The following CD160 variants were observed in gnomAD, a reference collection of about 807,000 sequenced individuals.
CD160 encodes the protein CD160 molecule.
A neutral mutation model predicts 19.2 loss-of-function variants in CD160; 11 were observed. The observed-to-expected ratio is 0.57, with a 90% CI of 0.36 to 0.95. CD160 has a LOEUF of 0.95. CD160 is among the 40% of genes least tolerant of loss of function. The pLI, the probability that CD160 is intolerant of heterozygous loss-of-function variation, is 0.01. For synonymous variants in CD160, 75 were observed against 81.1 expected (o/e 0.93, Z 0.40); for missense variants, 182 against 213.2 (o/e 0.85, Z 0.91).
intron 4 of CD160, among the ~76,000 whole-genome samples, chr1:145,733,957 C>A (rs587768143): frequency 1.3e-5 from 2 of 152,314 alleles, no homozygotes; most frequent in South Asian, 4.1e-4. Context: ...GTACTCCTAG[C>A]TCCTGGATGT....
chr1:145,728,300 G>A lies in CD160; in HGVS notation c.-28G>A. 6.3e-7 allele frequency: 1 copy of A among 1,591,714 alleles called. No individual in the cohort carries two copies. The highest frequency in any genetic ancestry group is 8.6e-7 in the Non-Finnish European group (1 of 1,162,358). ...CCAGCAGAGCCAACATTTGCTTCAA[G>A]TTCCTGGGCCTGCTGACAGCGTGCA... On this transcript the variant is annotated 5_prime_UTR_variant, in exon 3 of 6. Coordinates refer to ENST00000369288, the MANE Select transcript of CD160 (RefSeq NM_007053.4).
chr1:145,728,019 A>G (rs1293566066), intron 2 of CD160, among the ~76,000 whole-genome samples: 1 of 152,192 alleles, frequency 6.6e-6, no homozygotes, highest in Non-Finnish European at 1.5e-5. Context: ...AATCCAATTT[A>G]ACTTAAAAAA....
At chr1:145,722,020 G>A (rs1429647949) in intron 1 of CD160, among the ~76,000 whole-genome samples, 3 of 152,108 alleles carry the variant, frequency 2.0e-5, no homozygotes, top group Non-Finnish European at 4.4e-5. Context: ...CCCAACTTAG[G>A]AGCTGTGATT....
rs909705486 is a variant in CD160, at chr1:145,738,683, A to G, written c.*190A>G. 5.0e-6 allele frequency: 2 copies of G among 400,462 alleles called. No homozygotes were observed. The highest frequency in any genetic ancestry group is 8.9e-6 in the Non-Finnish European group (2 of 225,734). 24.8% of individuals were successfully genotyped at this position (400,462 alleles called of 1,614,324 possible). ...AGTGTAATCCTTGACTTTGCTCCTCACCATCAGGGCAAACTTGCCTTCTTC... is the reference window on the plus strand; with the variant it reads ...AGTGTAATCCTTGACTTTGCTCCTCGCCATCAGGGCAAACTTGCCTTCTTC... On this transcript the variant is annotated 3_prime_UTR_variant, in exon 6 of 6. Transcript: ENST00000369288.
intron 1 of CD160, among the ~76,000 whole-genome samples, chr1:145,721,544 G>C (rs1357613407): frequency 6.6e-6 from 1 of 152,018 alleles, no homozygotes; most frequent in Non-Finnish European, 1.5e-5. Flanking sequence ...CCACTCCAGC[G>C]GAGTGACCAG....
intron 3 of CD160, among the ~76,000 whole-genome samples, 155 bp downstream of exon 3, chr1:145,728,555 G>A (rs1476875009): frequency 2.7e-5 from 4 of 147,330 alleles, no homozygotes; most frequent in African/African-American, 7.5e-5. Flanking sequence ...CCAGGCTGGA[G>A]TGCAGTGGCG....
chr1:145,729,768 T>C (rs1657211712), intron 3 of CD160, among the ~76,000 whole-genome samples: 1 of 152,238 alleles, frequency 6.6e-6, no homozygotes, highest in Admixed American at 6.5e-5. Flanking sequence ...GGTCCCTCAA[T>C]AATTAGTCTG....
intron 4 of CD160, among the ~76,000 whole-genome samples, chr1:145,734,973 A>G (rs1553709896): frequency 6.6e-6 from 1 of 151,930 alleles, no homozygotes; most frequent in African/African-American, 2.4e-5. Flanking sequence ...CGAGTGTGGT[A>G]GCACGCACCT....
intron 1 of CD160, among the ~76,000 whole-genome samples, chr1:145,719,859 G>A (rs768730143): frequency 8.0e-4 from 122 of 152,332 alleles, no homozygotes; most frequent in Non-Finnish European, 1.4e-3. Flanking sequence ...GCTCTTCAAG[G>A]ATTGGCCTGA....
chr1:145,730,083 G>C (rs1285219037), intron 3 of CD160, among the ~76,000 whole-genome samples: 3 of 152,202 alleles, frequency 2.0e-5, no homozygotes, highest in African/African-American at 7.2e-5. Context: ...AGCAGTTTGG[G>C]AGGCAGAGGC....
At chr1:145,720,384 C>T (rs782091709) in intron 1 of CD160, among the ~76,000 whole-genome samples, 1 of 152,156 alleles carries the variant, frequency 6.6e-6, no homozygotes, top group Non-Finnish European at 1.5e-5. Flanking sequence ...AGGTCCATGG[C>T]GCCTTTATGT....
chr1:145,731,240 A>G (rs1553709216), intron 4 of CD160, among the ~76,000 whole-genome samples, 170 bp downstream of exon 4: 1 of 152,206 alleles, frequency 6.6e-6, no homozygotes, highest in African/African-American at 2.4e-5. Flanking sequence ...ACACACAAAC[A>G]TAATCTCATT....
At chr1:145,731,123 A>G (rs1657276858) in intron 4 of CD160, 53 bp downstream of exon 4, 2 of 1,407,664 alleles carry the variant, frequency 1.4e-6, no homozygotes, top group African/African-American at 2.8e-5. Flanking sequence ...AGCAGGGTTG[A>G]CAGTGGAGAT....
At chr1:145,726,787 TACTC>T (rs1228038186) in intron 2 of CD160, among the ~76,000 whole-genome samples, 5 of 152,200 alleles carry the variant, frequency 3.3e-5, no homozygotes, top group Middle Eastern at 3.4e-3. Context: ...AAATATGAAT[TACTC>T]AAGAAACAAA....
chr1:145,725,247 G>A (rs587763788), intron 2 of CD160, among the ~76,000 whole-genome samples: 74 of 151,824 alleles, frequency 4.9e-4, no homozygotes, highest in Non-Finnish European at 9.3e-4. Context: ...GTGAAACCCC[G>A]TCTCTACTAA....
chr1:145,738,169 T>C lies in CD160; in HGVS notation c.539-317T>C, dbSNP rs1797054. 636 of 203,928 alleles carry C rather than the reference T, an allele frequency of 3.1e-3. 5 individuals carry two copies. Among genetic ancestry groups the C allele is most frequent in the African/African-American group, 0.014 (608 of 43,588 alleles). The allele number at this position is 203,928 out of a possible 1,614,324, so 12.6% of individuals were successfully genotyped here. A position where few individuals can be genotyped will look rare whatever the true frequency, so the allele number is the denominator to read the frequency against. ...CTTGTCTTACCACTGTGCCAACAAT[T>C]CAGAGCTATACGTGGAAAACCTACC... On this transcript the variant is annotated intron_variant, in intron 5 of 5. Transcript: ENST00000369288.
At chr1:145,722,223 A>G (rs1553707895) in intron 1 of CD160, among the ~76,000 whole-genome samples, 1 of 152,074 alleles carries the variant, frequency 6.6e-6, no homozygotes, top group East Asian at 1.9e-4. Context: ...TTGAGCCCTT[A>G]CTCTCTGCCA....
chr1:145,729,583 C>T (rs1037164684), intron 3 of CD160, among the ~76,000 whole-genome samples: 6 of 152,204 alleles, frequency 3.9e-5, no homozygotes, highest in African/African-American at 1.2e-4. Flanking sequence ...AGGGGCAGTA[C>T]AAAGTTGGCA....
At chr1:145,720,770 G>A (rs1378023339) in intron 1 of CD160, among the ~76,000 whole-genome samples, 1 of 152,180 alleles carries the variant, frequency 6.6e-6, no homozygotes, top group Non-Finnish European at 1.5e-5. Flanking sequence ...ACATTCCTAT[G>A]AGGTAGTTTT....
Sources: allele counts gnomAD v4.1 joint callset (sites outside exome capture counted in the v4.1 genomes callset), GRCh38; gene constraint gnomAD v4.1.1; transcripts MANE v1.5; gene names NCBI Gene and HGNC (gene_info 2026-07-23, HGNC 2026-07-21).